The following LTF variants were observed in gnomAD, a reference collection of about 807,000 sequenced individuals.
LTF encodes epididymis luminal protein 110.
Under a neutral mutation model 87.2 loss-of-function variants are expected in LTF, and 91 were observed. The ratio of observed to expected loss-of-function variants is 1.04; its 90% CI spans 0.88 to 1.24. LTF has a LOEUF of 1.24. LTF is among the 50% of genes most tolerant of loss of function. The pLI is 0.00. For missense variants in LTF, 901 were observed against 904.3 expected (o/e 1.00, Z 0.05); for synonymous variants, 378 against 356.1 (o/e 1.06, Z -0.69).
chr3:46,443,506 C>T lies in LTF; in HGVS notation c.1590G>A (p.Glu530=). The T allele has an allele frequency of 6.2e-7, 1 of 1,614,198 alleles. No homozygotes were observed. Among genetic ancestry groups the T allele is most frequent in the Non-Finnish European group, 8.5e-7 (1 of 1,180,028 alleles). ...TGGGCACGCACTTATTCTCACCCTG[C>T]TCGTCGCCAATACACAGAGCACAGA... ...SNLCALCIGD[E]QGENKCVPNS... The change falls in exon 13 of 17, where the codon GAG becomes GAA. Residue 530 remains glutamate (E), a synonymous_variant. Coordinates refer to ENST00000231751, the MANE Select transcript of LTF (RefSeq NM_002343.6).
At chr3:46,455,718 A>C in intron 4 of LTF, 78 bp downstream of exon 4, 1 of 1,446,862 alleles carries the variant, frequency 6.9e-7, no homozygotes, top group Non-Finnish European at 9.4e-7. Flanking sequence ...TTTCACCTGC[A>C]TGATCTGTGT....
intron 2 of LTF, among the ~76,000 whole-genome samples, chr3:46,456,700 ACTTT>A (rs1434981520): frequency 6.6e-6 from 1 of 152,160 alleles, no homozygotes; most frequent in East Asian, 1.9e-4. Context: ...TGTTCTAGAT[ACTTT>A]CTATTTTTGC....
upstream of LTF, chr3:46,464,978 C>A: frequency 2.0e-6 from 2 of 1,020,656 alleles, no homozygotes; most frequent in East Asian, 4.9e-5. Flanking sequence ...ACACCCCTTC[C>A]CTCCCCACTC....
At chr3:46,441,934 A>AGAGAGTGTGTGT (rs1456655226) in intron 13 of LTF, 2 of 59,000 alleles carry the variant, frequency 3.4e-5, no homozygotes, top group Non-Finnish European at 6.7e-5. Context: ...AGAGAGAGAG[A>AGAGAGTGTGTGT]GTGTGTGTGT....
chr3:46,478,072 C>A (rs1559613180), intron 1 of LTF, among the ~76,000 whole-genome samples: 1 of 152,172 alleles, frequency 6.6e-6, no homozygotes, highest in Non-Finnish European at 1.5e-5. Flanking sequence ...CACCCACACT[C>A]CTTATGCCCA....
chr3:46,446,859 A>C (rs762147972), intron 10 of LTF, among the ~76,000 whole-genome samples: 1 of 152,230 alleles, frequency 6.6e-6, no homozygotes, highest in Non-Finnish European at 1.5e-5. Context: ...AATTCCTTTA[A>C]CATGAAGTTT....
chr3:46,478,180 C>CA (rs780832574), intron 1 of LTF, among the ~76,000 whole-genome samples: 8 of 152,198 alleles, frequency 5.3e-5, no homozygotes, highest in Admixed American at 1.3e-4. Context: ...CTCTCACCAT[C>CA]ATGCCCTCTT....
At chr3:46,441,671 C>A in intron 13 of LTF, 188 bp from the exon 14 acceptor site, 1 of 555,714 alleles carries the variant, frequency 1.8e-6, no homozygotes. Flanking sequence ...TTTTAAAACC[C>A]TATATAAAAG....
upstream of LTF, among the ~76,000 whole-genome samples, chr3:46,465,406 G>T (rs1218350583): frequency 6.6e-6 from 1 of 152,196 alleles, no homozygotes; most frequent in Admixed American, 6.5e-5. Context: ...AGGGACAGCT[G>T]ACAGAGAAAA....
rs143613825 is a variant in LTF, at chr3:46,439,853, A to G, written c.1724-373T>C. Among the ~76,000 whole-genome samples the G allele has an allele frequency of 1.2e-4, 18 of 152,286 alleles. No individual in the cohort carries two copies. In the East Asian group the frequency reaches 3.1e-3, roughly 26 times the overall value. The stretch of plus-strand genomic sequence containing the variant: ...GCCCTTTGGAGGCCAAGGTGGGAGA[A>G]TCACTTGAAGCTAGGAGTTCATGAC... On this transcript the variant is annotated intron_variant, in intron 14 of 16. Transcript: ENST00000231751.
At chr3:46,470,980 A>T (rs1245607696) in intron 1 of LTF, among the ~76,000 whole-genome samples, 2 of 152,230 alleles carry the variant, frequency 1.3e-5, no homozygotes, top group African/African-American at 4.8e-5. Flanking sequence ...CAAAAACCTC[A>T]GCTGGGCACA....
intron 1 of LTF, among the ~76,000 whole-genome samples, chr3:46,477,024 A>G (rs774503559): frequency 2.6e-5 from 4 of 152,212 alleles, no homozygotes; most frequent in Non-Finnish European, 5.9e-5. Context: ...TTGGTCATGT[A>G]CTTAGGAATG....
intron 14 of LTF, 86 bp downstream of exon 14, chr3:46,441,330 C>A: frequency 2.8e-6 from 3 of 1,076,824 alleles, no homozygotes; most frequent in East Asian, 2.5e-5. Flanking sequence ...GTTATAAAAC[C>A]TTCCCAAAGG....
In LTF at chr3:46,439,391, C is replaced by A. The variant is rs748347920; in HGVS notation, c.1813G>T (p.Ala605Ser). Residue 605 changes from alanine (A) to serine (S), a missense_variant, in exon 15 of 17, where the codon GCT becomes TCT. By Grantham distance (99) the Ala-to-Ser change is moderately conservative. Coordinates refer to ENST00000231751, the MANE Select transcript of LTF (RefSeq NM_002343.6). Reference sequence around the variant, plus strand: ...GCCATGGCAAGATGGCAGCTTCTAGCCTCAGTCACAGGCTTCCGTTTGCCA... The same window carrying A: ...GCCATGGCAAGATGGCAGCTTCTAGACTCAGTCACAGGCTTCCGTTTGCCA... ...LDGKRKPVTE[A>S]RSCHLAMAPN... 1.9e-6 allele frequency: 3 copies of A among 1,614,226 alleles called. No homozygotes were observed. The highest frequency in any genetic ancestry group is 2.5e-6 in the Non-Finnish European group (3 of 1,180,024).
chr3:46,449,916 C>G lies in LTF; in HGVS notation c.995G>C (p.Arg332Thr). 1 of 1,614,146 alleles carries G rather than the reference C, an allele frequency of 6.2e-7. No individual in the cohort carries two copies. Among genetic ancestry groups the G allele is most frequent in the Non-Finnish European group, 8.5e-7 (1 of 1,180,026 alleles). ...GCCAAGGTACAGCCCAGAATCTATC[C>G]TCGGGGGCACCCTCGAAAACCCAAT... ...SAIGFSRVPP[R>T]IDSGLYLGSG... The change falls in exon 8 of 17, where the codon AGG (arginine) becomes ACG (threonine). Residue 332 changes from arginine to threonine, a missense_variant. Physicochemically the swap from Arg to Thr is moderately conservative, Grantham distance 71. Transcript: ENST00000231751.
At chr3:46,441,226 T>G (rs1702508618) in intron 14 of LTF, among the ~76,000 whole-genome samples, 190 bp downstream of exon 14, 1 of 152,146 alleles carries the variant, frequency 6.6e-6, no homozygotes, top group South Asian at 2.1e-4. Context: ...TGTATGAATT[T>G]CGTTTCAAAA....
intron 6 of LTF, among the ~76,000 whole-genome samples, chr3:46,451,648 G>T (rs1341628034): frequency 6.6e-6 from 1 of 152,142 alleles, no homozygotes; most frequent in Non-Finnish European, 1.5e-5. Context: ...AGCCTGGAAT[G>T]CAGTGGTGCG....
At chr3:46,483,260 G>A (rs1055591516) in intron 1 of LTF, among the ~76,000 whole-genome samples, 1 of 152,228 alleles carries the variant, frequency 6.6e-6, no homozygotes, top group Non-Finnish European at 1.5e-5. Context: ...GCCAACTCCA[G>A]CACAGCACTG....
rs763085317 is a variant in LTF, at chr3:46,443,526, C to T, written c.1570G>A (p.Ala524Thr). The change falls in exon 13 of 17, where the codon GCT becomes ACT. Residue 524 changes from alanine (A) to threonine (T), a missense_variant. Physicochemically the swap from Ala to Thr is moderately conservative, Grantham distance 58. Coordinates refer to ENST00000231751, the MANE Select transcript of LTF (RefSeq NM_002343.6). ...PGSDPRSNLC[A>T]LCIGDEQGEN... Reference sequence around the variant, plus strand: ...CCCTGCTCGTCGCCAATACACAGAGCACAGAGATTAGATCTCGGGTCAGAC... The same window carrying T: ...CCCTGCTCGTCGCCAATACACAGAGTACAGAGATTAGATCTCGGGTCAGAC... 10 of 1,614,076 alleles carry T rather than the reference C, an allele frequency of 6.2e-6. No homozygotes were observed. The African/African-American group carries it at 1.1e-4, about 17-fold the overall frequency.
Sources: gnomAD v4.1 joint callset for allele counts (sites outside exome capture counted in the v4.1 genomes callset) on GRCh38, gnomAD v4.1.1 for gene constraint, MANE v1.5 for transcripts, NCBI Gene and HGNC (gene_info 2026-07-23, HGNC 2026-07-21) for gene names.